The following TMEM132D variants were observed in gnomAD, a reference collection of about 807,000 sequenced individuals.
The protein encoded by TMEM132D is mature OL transmembrane protein.
A neutral mutation model predicts 62.3 loss-of-function variants in TMEM132D; 21 were observed. The observed-to-expected ratio is 0.34, with a 90% confidence interval of 0.24 to 0.49. TMEM132D has a LOEUF of 0.49. Ranked by LOEUF, TMEM132D falls within the 20% of genes least tolerant of loss-of-function variation. The pLI is 0.99. For missense variants in TMEM132D, 1,346 were observed against 1,402.8 expected (o/e 0.96, Z 0.65); for synonymous variants, 621 against 575.6 (o/e 1.08, Z -1.13).
At chr12:129,397,606 A>G (rs563981090) in intron 3 of TMEM132D, among the ~76,000 whole-genome samples, 41 of 152,342 alleles carry the variant, frequency 2.7e-4, no homozygotes, top group African/African-American at 7.7e-4. Context: ...CAGGAAAACT[A>G]TAAGAATGGT....
chr12:129,257,269 C>T lies in TMEM132D; in HGVS notation c.1300-47606G>A, dbSNP rs537496001. ...TCGCCCAGGCAGGAATGCAGTGGCA[C>T]GATCTCGGCTCACTGCAAGCTCTGC... On this transcript the variant is annotated intron_variant, in intron 4 of 8. Transcript: ENST00000422113. Among the ~76,000 whole-genome samples, 131 of 149,548 alleles carry T rather than the reference C, an allele frequency of 8.8e-4. 1 individual carries two copies. The highest frequency in any genetic ancestry group is 3.0e-3 in the African/African-American group (122 of 40,412).
intron 2 of TMEM132D, among the ~76,000 whole-genome samples, chr12:129,544,488 T>C (rs1444811619): frequency 6.6e-6 from 1 of 152,234 alleles, no homozygotes; most frequent in Non-Finnish European, 1.5e-5. Context: ...TTAGGCTTAT[T>C]TTCTTGGACT....
intron 5 of TMEM132D, among the ~76,000 whole-genome samples, chr12:129,119,184 T>C (rs1176111206): frequency 6.6e-6 from 1 of 152,230 alleles, no homozygotes; most frequent in Non-Finnish European, 1.5e-5. Flanking sequence ...TTTTGACTTT[T>C]TAAAATCTTT....
chr12:129,073,765 A>T lies in TMEM132D; in HGVS notation c.*110T>A, dbSNP rs1874151565. On this transcript the variant is annotated 3_prime_UTR_variant, in exon 9 of 9. Transcript: ENST00000422113. Reference sequence around the variant, plus strand: ...TGGCTGAGGCTGTATGGATAGTGTCATCCTTATTTTGTCCTGCTGCTTTGT... The same window carrying T: ...TGGCTGAGGCTGTATGGATAGTGTCTTCCTTATTTTGTCCTGCTGCTTTGT... 1.1e-5 allele frequency: 11 copies of T among 1,028,784 alleles called. No homozygotes were observed. Among genetic ancestry groups the T allele is most frequent in the Admixed American group, 2.6e-5 (1 of 38,522 alleles). The allele number at this position is 1,028,784 out of a possible 1,614,324, so 63.7% of individuals were successfully genotyped here.
intron 4 of TMEM132D, among the ~76,000 whole-genome samples, chr12:129,216,405 G>T (rs1456226743): frequency 6.6e-6 from 1 of 152,190 alleles, no homozygotes; most frequent in East Asian, 1.9e-4. Context: ...AATGGATTAA[G>T]GTGGGATTGT....
chr12:129,650,324 G>T (rs922371931), intron 2 of TMEM132D, among the ~76,000 whole-genome samples: 2 of 152,118 alleles, frequency 1.3e-5, no homozygotes, highest in Non-Finnish European at 1.5e-5. Context: ...GAATACATAT[G>T]GAATGAATAT....
chr12:129,502,145 G>A (rs990775698), intron 3 of TMEM132D, among the ~76,000 whole-genome samples: 15 of 152,012 alleles, frequency 9.9e-5, no homozygotes, highest in African/African-American at 3.1e-4. Flanking sequence ...GATTACAGGC[G>A]TCCGTCACCA....
chr12:129,747,427 C>G (rs1869833498), intron 1 of TMEM132D, among the ~76,000 whole-genome samples: 1 of 146,970 alleles, frequency 6.8e-6, no homozygotes, highest in South Asian at 2.1e-4. Context: ...CTCACACACA[C>G]AGACACACAC....
At chr12:129,657,501 G>C (rs1430171323) in intron 2 of TMEM132D, among the ~76,000 whole-genome samples, 1 of 152,178 alleles carries the variant, frequency 6.6e-6, no homozygotes, top group Non-Finnish European at 1.5e-5. Context: ...AATAAACAAA[G>C]TCTCTAAGCA....
At chr12:129,356,926 A>AGAGGAGAGGGCAGGG (rs1870077738) in intron 3 of TMEM132D, among the ~76,000 whole-genome samples, 4 of 89,860 alleles carry the variant, frequency 4.5e-5, no homozygotes, top group African/African-American at 1.9e-4. Context: ...AAAGGAGAGG[A>AGAGGAGAGGGCAGGG]GAGGAGAGGG....
chr12:129,343,618 C>A (rs1052181952), intron 3 of TMEM132D, among the ~76,000 whole-genome samples: 11 of 151,670 alleles, frequency 7.3e-5, no homozygotes, highest in African/African-American at 2.7e-4. Flanking sequence ...TTTGTTTTAC[C>A]GATAATAATG....
intron 3 of TMEM132D, among the ~76,000 whole-genome samples, chr12:129,342,407 T>C (rs7316229): frequency 0.15 from 21,629 of 146,354 alleles, 1,852 homozygotes; most frequent in Non-Finnish European, 0.18. Context: ...TTCCTTACAC[T>C]GTATACAAAA....
chr12:129,185,804 T>TATCTATCTATCTATCTATCA (rs1878205609), intron 5 of TMEM132D, among the ~76,000 whole-genome samples: 1 of 139,158 alleles, frequency 7.2e-6, no homozygotes, highest in Non-Finnish European at 1.6e-5. Flanking sequence ...TCTATCTATC[T>TATCTATCTATCTATCTATCA]ATCTATCATC....
chr12:129,487,095 A>G (rs1874607071), intron 3 of TMEM132D, among the ~76,000 whole-genome samples: 1 of 151,828 alleles, frequency 6.6e-6, no homozygotes, highest in African/African-American at 2.4e-5. Context: ...TAAAGAGGTG[A>G]TGTTTCAGCT....
intron 2 of TMEM132D, among the ~76,000 whole-genome samples, chr12:129,562,823 C>G (rs764751520): frequency 1.2e-4 from 18 of 152,296 alleles, no homozygotes; most frequent in Non-Finnish European, 2.1e-4. Flanking sequence ...CCTGGAGAAA[C>G]CCCGTGCTTC....
At chr12:129,169,028 T>G (rs1403908015) in intron 5 of TMEM132D, among the ~76,000 whole-genome samples, 3 of 152,194 alleles carry the variant, frequency 2.0e-5, no homozygotes, top group Non-Finnish European at 4.4e-5. Flanking sequence ...AATATACCTT[T>G]GCTGAAATCA....
intron 1 of TMEM132D, among the ~76,000 whole-genome samples, chr12:129,758,508 G>A (rs1239307987): frequency 6.6e-6 from 1 of 152,166 alleles, no homozygotes; most frequent in Non-Finnish European, 1.5e-5. Flanking sequence ...AACAATCCAT[G>A]AGAAGTCACA....
At chr12:129,269,416 T>C (rs1051272779) in intron 4 of TMEM132D, among the ~76,000 whole-genome samples, 1 of 152,026 alleles carries the variant, frequency 6.6e-6, no homozygotes. Context: ...CCCTTCCTTC[T>C]TCCTTCCTTC....
At chr12:129,535,430 C>T (rs909502467) in intron 2 of TMEM132D, among the ~76,000 whole-genome samples, 1 of 152,176 alleles carries the variant, frequency 6.6e-6, no homozygotes, top group African/African-American at 2.4e-5. Flanking sequence ...CATCTCCCTC[C>T]ACCACAACCA....
Sources: gnomAD v4.1 joint callset for allele counts (sites outside exome capture counted in the v4.1 genomes callset) on GRCh38, gnomAD v4.1.1 for gene constraint, MANE v1.5 for transcripts, NCBI Gene and HGNC (gene_info 2026-07-23, HGNC 2026-07-21) for gene names.